Variants in MACF1 observed in about 807,000 individuals in gnomAD.
MACF1 encodes the protein microtubule-actin cross-linking factor 1.
MACF1 carries 193 observed loss-of-function variants against 854.8 expected under a neutral mutation model. The observed-to-expected ratio is 0.23, with a 90% CI of 0.20 to 0.25. MACF1 has a LOEUF of 0.25. Ranked by LOEUF, MACF1 falls within the 10% of genes least tolerant of loss-of-function variation. The pLI, the probability that MACF1 is intolerant of heterozygous loss-of-function variation, is 1.00. For synonymous variants in MACF1, 3,185 were observed against 3,226.7 expected (o/e 0.99, Z 0.44); for missense variants, 7,722 against 8,929.1 (o/e 0.86, Z 5.45).
Position 39,226,223 on chromosome 1 carries a change from G to A in MACF1, c.110-4959G>A, listed in dbSNP as rs113629881. On this transcript the variant is annotated intron_variant, in intron 1 of 100. Coordinates refer to ENST00000564288, the MANE Select transcript of MACF1 (RefSeq NM_001394062.1). ...ATAAGTACTTAAACGTCTTTCTCCT[G>A]AGCTTAAAGTCAGCTTTTTAGCTTT... Among the ~76,000 whole-genome samples the A allele has an allele frequency of 5.6e-4, 85 of 152,232 alleles. No individual in the cohort carries two copies. In the South Asian group the frequency reaches 8.3e-3, roughly 15 times the overall value.
chr1:39,240,601 C>T (rs981499902), intron 2 of MACF1, among the ~76,000 whole-genome samples: 5 of 152,284 alleles, frequency 3.3e-5, no homozygotes, highest in South Asian at 2.1e-4. Context: ...CGGGTTCAAG[C>T]GATTCTCCTG....
At chr1:39,165,706 C>G (rs1047213134) in intron 2 of MACF1, among the ~76,000 whole-genome samples, 2 of 152,118 alleles carry the variant, frequency 1.3e-5, no homozygotes, top group African/African-American at 4.8e-5. Flanking sequence ...TTGGAGAAAC[C>G]CCAGGCTGAT....
intron 2 of MACF1, among the ~76,000 whole-genome samples, chr1:39,192,943 C>G (rs553386831): frequency 6.6e-6 from 1 of 152,208 alleles, no homozygotes; most frequent in Non-Finnish European, 1.5e-5. Flanking sequence ...AACCCCGTCT[C>G]TACCAAAAAT....
At chr1:39,269,837 A>C in intron 6 of MACF1, 5 of 800,292 alleles carry the variant, frequency 6.2e-6, no homozygotes, top group South Asian at 1.7e-5. Context: ...ACTTACCCCC[A>C]TGTGGGTTAG....
At chr1:39,474,108 G>A (rs2124169077) in intron 97 of MACF1, among the ~76,000 whole-genome samples, 1 of 152,192 alleles carries the variant, frequency 6.6e-6, no homozygotes, top group African/African-American at 2.4e-5. Context: ...TAAAATACAG[G>A]CCGGGTGCAG....
At chr1:39,231,328 AT>A (rs1644775098) in intron 2 of MACF1, 85 bp downstream of exon 2, 24 of 1,275,682 alleles carry the variant, frequency 1.9e-5, no homozygotes, top group Non-Finnish European at 1.1e-6. Flanking sequence ...GATGGTTTAG[AT>A]TGCTTGCTGT....
rs953568256 is a variant in MACF1, at chr1:39,441,119, T to G, written c.18564T>G (p.Ile6188Met). Residue 6188 changes from isoleucine (I) to methionine (M), a missense_variant, in exon 73 of 101, where the codon ATT becomes ATG. By Grantham distance (10) the Ile-to-Met change is conservative. This residue lies in a region of MACF1 where 2,807 missense variants were observed against 3,235.8 expected (regional missense o/e 0.87). Coordinates refer to ENST00000564288, the MANE Select transcript of MACF1 (RefSeq NM_001394062.1). ...AGAAGCCTGAAGTGAGGAAGAGCAT[T>G]GATGAGGTGTGGAGAAATGGATGAG... ...ETEKPEVRKS[I>M]DEMNNAWENL... 1 of 1,614,134 alleles carries G rather than the reference T, an allele frequency of 6.2e-7. No individual in the cohort carries two copies. The highest frequency in any genetic ancestry group is 8.5e-7 in the Non-Finnish European group (1 of 1,180,018).
chr1:39,224,597 G>A lies in MACF1; in HGVS notation c.110-6585G>A, dbSNP rs543728743. 5.6e-4 allele frequency among the ~76,000 whole-genome samples: 85 copies of A among 152,230 alleles called. 1 individual carries two copies. Among genetic ancestry groups the A allele is most frequent in the African/African-American group, 2.0e-3 (84 of 41,538 alleles). Reference sequence around the variant, plus strand: ...CCAGGTCACATAGAATAAATAGGAGGTGGGGAAGTGAAGTCTGAGTGTTGT... The same window carrying A: ...CCAGGTCACATAGAATAAATAGGAGATGGGGAAGTGAAGTCTGAGTGTTGT... On this transcript the variant is annotated intron_variant, in intron 1 of 100. Transcript: ENST00000564288.
chr1:39,376,253 A>C lies in MACF1; in HGVS notation c.13214-2208A>C, dbSNP rs1279825592. 5.3e-5 allele frequency among the ~76,000 whole-genome samples: 8 copies of C among 152,316 alleles called. No individual in the cohort carries two copies. The East Asian group carries it at 1.2e-3, about 22-fold the overall frequency. On this transcript the variant is annotated intron_variant, in intron 52 of 100. Coordinates refer to ENST00000564288, the MANE Select transcript of MACF1 (RefSeq NM_001394062.1). ...TCTAAGTACTTAGAAATTTATGTGAATATTACATTTAAACCAAACATTAAA... is the reference window on the plus strand; with the variant it reads ...TCTAAGTACTTAGAAATTTATGTGACTATTACATTTAAACCAAACATTAAA...
At chr1:39,110,311 A>G (rs1021846137) in intron 2 of MACF1, among the ~76,000 whole-genome samples, 1 of 141,052 alleles carries the variant, frequency 7.1e-6, no homozygotes, top group Non-Finnish European at 1.5e-5. Context: ...ATCAGGGCTA[A>G]CTGCAGCCTT....
intron 72 of MACF1, among the ~76,000 whole-genome samples, chr1:39,440,476 TG>T (rs1294517433): frequency 6.6e-6 from 1 of 152,162 alleles, no homozygotes; most frequent in African/African-American, 2.4e-5. Context: ...AAGCCTATCT[TG>T]ATATTATTTC....
intron 9 of MACF1, 44 bp from the exon 10 acceptor site, chr1:39,284,022 G>A (rs1195467247): frequency 6.2e-7 from 1 of 1,601,668 alleles, no homozygotes. Flanking sequence ...TGCTTGTTTT[G>A]GATATTGCTA....
chr1:39,308,106 A>G (rs778112984), intron 23 of MACF1, among the ~76,000 whole-genome samples: 17 of 151,180 alleles, frequency 1.1e-4, no homozygotes, highest in Admixed American at 4.0e-4. Flanking sequence ...GGGTTTCACC[A>G]TGTTAGCCAG....
chr1:39,374,409 T>C (rs1257442512), intron 52 of MACF1, among the ~76,000 whole-genome samples: 8 of 152,242 alleles, frequency 5.3e-5, no homozygotes, highest in Admixed American at 2.0e-4. Context: ...TACTTTTCTA[T>C]AGTATTCTAA....
chr1:39,355,278 C>T (rs1224049510), intron 44 of MACF1, among the ~76,000 whole-genome samples: 1 of 152,112 alleles, frequency 6.6e-6, no homozygotes, highest in African/African-American at 2.4e-5. Context: ...TTGCTGGCAG[C>T]AGTCAACCTA....
At chr1:39,440,138 G>T (rs1644079998) in intron 72 of MACF1, among the ~76,000 whole-genome samples, 1 of 104,164 alleles carries the variant, frequency 9.6e-6, no homozygotes, top group African/African-American at 5.6e-5. Flanking sequence ...TTGGAGACAG[G>T]GTCTCACTGG....
At chr1:39,472,523 C>T (rs772197108) in intron 97 of MACF1, among the ~76,000 whole-genome samples, 1 of 152,128 alleles carries the variant, frequency 6.6e-6, no homozygotes, top group Non-Finnish European at 1.5e-5. Flanking sequence ...AAGTTTATTT[C>T]TGAAGAAAGA....
At position 39,293,757 on chromosome 1, in the gene MACF1, T is replaced by C. The variant is rs190145534; in HGVS notation, c.2154+138T>C. The C allele has an allele frequency of 1.4e-3, 935 of 681,874 alleles. 6 individuals carry two copies. Among genetic ancestry groups the C allele is most frequent in the African/African-American group, 0.014 (748 of 54,958 alleles). The allele number at this position is 681,874 out of a possible 1,614,324, so 42.2% of individuals were successfully genotyped here. A position where few individuals can be genotyped will look rare whatever the true frequency, so the allele number is the denominator to read the frequency against. ...ATAGGGGCCCTACTCAATGCATCCA[T>C]GCATGTGAGAAGTGTAAATGGAGAG... On this transcript the variant is annotated intron_variant, in intron 18 of 100. Transcript: ENST00000564288.
intron 58 of MACF1, 52 bp downstream of exon 58, chr1:39,388,710 T>A (rs1641893463): frequency 6.7e-7 from 1 of 1,483,658 alleles, no homozygotes; most frequent in African/African-American, 1.4e-5. Flanking sequence ...TATTTGCTTG[T>A]AACTTGGAAA....
Sources: gnomAD v4.1 joint callset for allele counts (sites outside exome capture counted in the v4.1 genomes callset) on GRCh38, gnomAD v4.1.1 for gene constraint, gnomAD v4.1.1 regional missense constraint, MANE v1.5 for transcripts, NCBI Gene and HGNC (gene_info 2026-07-23, HGNC 2026-07-21) for gene names.